Variants in MAGI2 observed in about 807,000 individuals in gnomAD.
MAGI2 encodes membrane-associated guanylate kinase, WW and PDZ domain-containing protein 2.
In MAGI2, 35 loss-of-function variants were observed where a neutral mutation model predicts 133.3. That is an observed-to-expected ratio of 0.26 (90% CI 0.20 to 0.35). The LOEUF is 0.35. Ranked by LOEUF, MAGI2 falls within the 10% of genes least tolerant of loss-of-function variation. The pLI is 1.00. For synonymous variants in MAGI2, 729 were observed against 710.6 expected (o/e 1.03, Z -0.41); for missense variants, 1,636 against 1,863.4 (o/e 0.88, Z 2.25).
At chr7:78,117,349 C>T (rs959244000) in intron 20 of MAGI2, among the ~76,000 whole-genome samples, 4 of 151,768 alleles carry the variant, frequency 2.6e-5, no homozygotes, top group South Asian at 2.1e-4. Flanking sequence ...TAGGGCTCAT[C>T]CCAGGAACTC....
intron 1 of MAGI2, among the ~76,000 whole-genome samples, chr7:79,120,857 C>G (rs1444378267): frequency 6.6e-6 from 1 of 152,102 alleles, no homozygotes; most frequent in Non-Finnish European, 1.5e-5. Flanking sequence ...AACTACTTCT[C>G]TCCCATTTAT....
At chr7:78,528,256 C>CT (rs1797152352) in intron 3 of MAGI2, among the ~76,000 whole-genome samples, 1 of 152,118 alleles carries the variant, frequency 6.6e-6, no homozygotes. Flanking sequence ...AAAATTGACT[C>CT]TGACGTTAAA....
intron 1 of MAGI2, among the ~76,000 whole-genome samples, chr7:79,036,299 T>C (rs1402000086): frequency 1.3e-5 from 2 of 152,214 alleles, no homozygotes; most frequent in African/African-American, 2.4e-5. Context: ...GATAATTGAC[T>C]TGAGGATTAT....
chr7:78,613,692 A>G (rs1806727671), intron 3 of MAGI2, among the ~76,000 whole-genome samples: 1 of 152,228 alleles, frequency 6.6e-6, no homozygotes, highest in South Asian at 2.1e-4. Context: ...AAAAGAAAGA[A>G]AAATAAGGAG....
rs748459288 is a variant in MAGI2, at chr7:78,168,087, C to A, written c.2425G>T (p.Ala809Ser). Residue 809 changes from alanine (A) to serine (S), a missense_variant, in exon 15 of 22, where the codon GCC (alanine) becomes TCC (serine). Around this residue, in one of 5 missense-constraint regions of MAGI2, gnomAD observed 920 missense variants for 1,093.5 expected, o/e 0.84. Coordinates refer to ENST00000354212, the MANE Select transcript of MAGI2 (RefSeq NM_012301.4). ...CCATCTCTGTCGGCTGAGCCCATGG[C>A]AATGACAGCTCCAATCAAAATCTAG... ...GQPILIGAVI[A>S]MGSADRDGRL... 5 of 1,613,846 alleles carry A rather than the reference C, an allele frequency of 3.1e-6. No individual in the cohort carries two copies. The Admixed American group carries it at 5.0e-5, about 16-fold the overall frequency.
intron 7 of MAGI2, among the ~76,000 whole-genome samples, chr7:78,362,076 T>C (rs1430579523): frequency 1.3e-5 from 2 of 151,444 alleles, no homozygotes; most frequent in South Asian, 4.2e-4. Context: ...CTGAGGCGGG[T>C]GGATCACTTG....
intron 2 of MAGI2, among the ~76,000 whole-genome samples, chr7:78,905,952 A>G (rs1797966492): frequency 6.6e-6 from 1 of 152,274 alleles, no homozygotes; most frequent in South Asian, 2.1e-4. Flanking sequence ...AACTTTCAAC[A>G]CCTAAAAGAG....
intron 20 of MAGI2, among the ~76,000 whole-genome samples, chr7:78,122,977 G>A (rs1052679318): frequency 3.3e-5 from 5 of 152,038 alleles, no homozygotes; most frequent in Non-Finnish European, 2.9e-5. Context: ...TTTTACAAAC[G>A]TAAGTCTTCT....
At chr7:78,572,707 G>A (rs1013594155) in intron 3 of MAGI2, among the ~76,000 whole-genome samples, 4 of 151,716 alleles carry the variant, frequency 2.6e-5, no homozygotes, top group Non-Finnish European at 5.9e-5. Context: ...TTGTTGCCCA[G>A]GCTGGAGTGC....
intron 12 of MAGI2, among the ~76,000 whole-genome samples, chr7:78,187,674 T>C (rs1827821763): frequency 6.6e-6 from 1 of 152,186 alleles, no homozygotes; most frequent in African/African-American, 2.4e-5. Flanking sequence ...TCTGGCACAA[T>C]TGTTATTTTT....
chr7:79,236,781 C>T (rs1411871689), intron 1 of MAGI2, among the ~76,000 whole-genome samples: 1 of 152,190 alleles, frequency 6.6e-6, no homozygotes, highest in African/African-American at 2.4e-5. Flanking sequence ...TGCTAACATA[C>T]TGAGTAAACA....
Position 78,548,857 on chromosome 7 carries a change from T to C in MAGI2, c.539-27212A>G, listed in dbSNP as rs544310837. On this transcript the variant is annotated intron_variant, in intron 3 of 21. Transcript: ENST00000354212. ...CTTTGATTTAGATGTTAACTATTAA[T>C]AATCCAAAGTCTATATTGAGTTAGG... Among the ~76,000 whole-genome samples, 103 of 152,342 alleles carry C rather than the reference T, an allele frequency of 6.8e-4. 1 individual carries two copies. Among genetic ancestry groups the C allele is most frequent in the Non-Finnish European group, 9.3e-4 (63 of 68,034 alleles).
chr7:78,561,108 A>C (rs1267591057), intron 3 of MAGI2, among the ~76,000 whole-genome samples: 1 of 152,206 alleles, frequency 6.6e-6, no homozygotes, highest in Non-Finnish European at 1.5e-5. Flanking sequence ...CTTTGGAGTA[A>C]ATGAACACAC....
intron 9 of MAGI2, among the ~76,000 whole-genome samples, chr7:78,331,441 C>T (rs1026448178): frequency 6.6e-6 from 1 of 152,202 alleles, no homozygotes; most frequent in Non-Finnish European, 1.5e-5. Context: ...TCTAGCTGTG[C>T]TCACTTTGGT....
At chr7:79,071,965 T>A (rs936977214) in intron 1 of MAGI2, among the ~76,000 whole-genome samples, 1 of 152,150 alleles carries the variant, frequency 6.6e-6, no homozygotes, top group Non-Finnish European at 1.5e-5. Context: ...GTGAAGACTG[T>A]GTGAAAAGTG....
intron 3 of MAGI2, chr7:78,568,019 T>C (rs1165221828): frequency 1.3e-5 from 2 of 152,264 alleles, no homozygotes; most frequent in East Asian, 1.9e-4. Context: ...GAACAGCATT[T>C]GAAACAGCTG....
intron 2 of MAGI2, among the ~76,000 whole-genome samples, chr7:78,969,085 C>T (rs979002562): frequency 6.6e-6 from 1 of 152,026 alleles, no homozygotes; most frequent in African/African-American, 2.4e-5. Flanking sequence ...TTCAATATGG[C>T]GATTCCTGCT....
intron 2 of MAGI2, among the ~76,000 whole-genome samples, chr7:78,798,494 G>A (rs1301402868): frequency 6.6e-6 from 1 of 152,162 alleles, no homozygotes; most frequent in Non-Finnish European, 1.5e-5. Context: ...CCTTAGGAAG[G>A]TGTGGGCTGG....
chr7:78,893,305 T>C (rs1481050315), intron 2 of MAGI2, among the ~76,000 whole-genome samples: 1 of 152,224 alleles, frequency 6.6e-6, no homozygotes, highest in East Asian at 1.9e-4. Context: ...GTTCAGCCAT[T>C]GTGGAAGTTG....
Sources: allele counts gnomAD v4.1 joint callset (sites outside exome capture counted in the v4.1 genomes callset), GRCh38; gene constraint gnomAD v4.1.1; regional missense constraint gnomAD v4.1.1; transcripts MANE v1.5; gene names NCBI Gene and HGNC (gene_info 2026-07-23, HGNC 2026-07-21).